RAD21: variants seen among roughly 807,000 people sequenced by gnomAD.
RAD21 encodes the protein RAD21 cohesin complex component.
RAD21 carries 18 observed loss-of-function variants against 71.5 expected under a neutral mutation model. The observed-to-expected ratio is 0.25, with a 90% CI of 0.17 to 0.37. The LOEUF is 0.37. Ranked by LOEUF, RAD21 falls within the 10% of genes least tolerant of loss-of-function variation. RAD21 has a pLI of 1.00. For missense variants in RAD21, 493 were observed against 769.1 expected, an observed-to-expected ratio of 0.64 and a Z score of 4.25; for synonymous variants, 248 against 254.0, an observed-to-expected ratio of 0.98 and a Z score of 0.22.
At chr8:116,853,267 C>T (rs538125111) in intron 9 of RAD21, among the ~76,000 whole-genome samples, 7 of 152,012 alleles carry the variant, frequency 4.6e-5, no homozygotes, top group Non-Finnish European at 8.8e-5. Context: ...TTAGTACAGA[C>T]GGGATTTTAC....
chr8:116,863,092 AAAC>A (rs112562183), intron 3 of RAD21, 35 bp downstream of exon 3: 395 of 1,573,746 alleles, frequency 2.5e-4, no homozygotes, highest in Non-Finnish European at 3.2e-4. Context: ...ACTCCAAAGT[AAAC>A]AACAACAACA....
intron 3 of RAD21, 144 bp downstream of exon 3, chr8:116,862,986 T>G: frequency 9.3e-7 from 1 of 1,079,292 alleles, no homozygotes; most frequent in Admixed American, 2.7e-5. Flanking sequence ...CCCCAAGCCT[T>G]GCTCTATCTT....
chr8:116,861,705 T>C (rs1401462373), intron 4 of RAD21, 136 bp downstream of exon 4: 1 of 523,724 alleles, frequency 1.9e-6, no homozygotes, highest in Admixed American at 3.1e-5. Context: ...CATATTTATA[T>C]ACTATCCTAT....
At chr8:116,857,161 T>C in intron 6 of RAD21, 106 bp downstream of exon 6, 1 of 925,344 alleles carries the variant, frequency 1.1e-6, no homozygotes, top group Non-Finnish European at 1.6e-6. Flanking sequence ...TTCACTCATA[T>C]ATATCTAAAA....
rs1586268525 is a variant in RAD21, at chr8:116,857,340, T to C, written c.615A>G (p.Lys205=). The C allele has an allele frequency of 6.2e-7, 1 of 1,612,486 alleles. No homozygotes were observed. The highest frequency in any genetic ancestry group is 8.5e-7 in the Non-Finnish European group (1 of 1,179,564). The change falls in exon 6 of 14, where the codon AAA becomes AAG. Residue 205 remains lysine (K), a synonymous_variant. Transcript: ENST00000297338. ...SEQSTSNLNE[K]INHLEYEDQY... is the part of the protein sequence containing the mutation. ...GATCTTCATATTCTAAATGGTTAAT[T>C]TTCTCATTCAGATTGCTGGTGCTCT...
chr8:116,867,436 G>A (rs1812719352), intron 1 of RAD21, among the ~76,000 whole-genome samples: 2 of 152,238 alleles, frequency 1.3e-5, no homozygotes, highest in Middle Eastern at 3.4e-3. Context: ...TTTATCTTAT[G>A]ACTGAAAGTC....
At chr8:116,874,049 G>A (rs1047097274) in intron 1 of RAD21, 2 of 152,250 alleles carry the variant, frequency 1.3e-5, no homozygotes, top group African/African-American at 2.4e-5. Context: ...CACTGGCCGA[G>A]GGGCACCCGC....
chr8:116,852,047 C>A lies in RAD21; in HGVS notation c.1371G>T (p.Glu457Asp). Residue 457 changes from glutamate to aspartate, a missense_variant, in exon 11 of 14, where the codon GAG becomes GAT. Physicochemically the swap from Glu to Asp is conservative, Grantham distance 45. Around this residue, in one of 5 missense-constraint regions of RAD21, gnomAD observed 225 missense variants for 218.3 expected, o/e 1.03. Transcript: ENST00000297338. ...ACTCATCTATGTTTGTTCTGCTGGCCTCCATCACTGACTCCTGGAGGCGGC... is the reference window on the plus strand; with the variant it reads ...ACTCATCTATGTTTGTTCTGCTGGCATCCATCACTGACTCCTGGAGGCGGC... ...EPSRLQESVM[E>D]ASRTNIDESA... 1 of 1,612,214 alleles carries A rather than the reference C, an allele frequency of 6.2e-7. No homozygotes were observed. The highest frequency in any genetic ancestry group is 1.7e-4 in the Middle Eastern group (1 of 6,050).
chr8:116,871,100 G>T (rs1381935240), intron 1 of RAD21, among the ~76,000 whole-genome samples: 1 of 152,128 alleles, frequency 6.6e-6, no homozygotes, highest in Non-Finnish European at 1.5e-5. Flanking sequence ...AAGGAGCAGT[G>T]GTGGATCGAC....
chr8:116,849,015 T>G lies in RAD21; in HGVS notation c.1635A>C (p.Ser545=). 6.3e-7 allele frequency: 1 copy of G among 1,593,598 alleles called. No homozygotes were observed. Among genetic ancestry groups the G allele is most frequent in the Non-Finnish European group, 8.5e-7 (1 of 1,170,824 alleles). The change falls in exon 13 of 14, where the codon TCA becomes TCC. Residue 545 remains serine (S), a synonymous_variant. Transcript: ENST00000297338. ...TTTCTTCCTGATCTTGATCGCCCCC[T>G]GATGCATCTTCATCCTGAATAAAAA... The part of the protein sequence containing the change: ...DDEEEEDEDA[S]GGDQDQEERR...
rs1586269318 is a variant in RAD21 at position 116,858,334 on chromosome 8, A to G, written c.481+18T>C. On this transcript the variant is annotated intron_variant, in intron 5 of 13. Transcript: ENST00000297338. ...TATAACATTATAATTAATGGCTAATAATTTGTTTCTCTTTTACCAAAATCA... is the reference window on the plus strand; with the variant it reads ...TATAACATTATAATTAATGGCTAATGATTTGTTTCTCTTTTACCAAAATCA... 1 of 1,550,044 alleles carries G rather than the reference A, an allele frequency of 6.5e-7. No individual in the cohort carries two copies. The highest frequency in any genetic ancestry group is 8.9e-7 in the Non-Finnish European group (1 of 1,123,948).
At chr8:116,863,293 T>A (rs1334961500) in intron 2 of RAD21, 34 bp from the exon 3 acceptor site, 1 of 1,586,564 alleles carries the variant, frequency 6.3e-7, no homozygotes. Flanking sequence ...TTCCAAAACC[T>A]GCATTTCGTG....
At chr8:116,855,143 A>T (rs1812435688) in intron 8 of RAD21, among the ~76,000 whole-genome samples, 1 of 152,218 alleles carries the variant, frequency 6.6e-6, no homozygotes, top group Non-Finnish European at 1.5e-5. Context: ...CTTAAAAAAA[A>T]AATACAAAAA....
rs556329240 is a variant in RAD21, at chr8:116,846,302, T to C, written c.*1198A>G. ...CTGAGTTTCAAAAGTGATTTTTTTT[T>C]CCCACAAAAGTTTCAACACTTAAGC... is the stretch of plus-strand genomic sequence containing the variant. On this transcript the variant is annotated 3_prime_UTR_variant, in exon 14 of 14. Transcript: ENST00000297338. 1.9e-4 allele frequency: 43 copies of C among 231,228 alleles called. No individual in the cohort carries two copies. Among genetic ancestry groups the C allele is most frequent in the Middle Eastern group, 2.6e-3 (2 of 760 alleles). The allele number at this position is 231,228 out of a possible 1,614,324, so 14.3% of individuals were successfully genotyped here. A position where few individuals can be genotyped will look rare whatever the true frequency, so the allele number is the denominator to read the frequency against.
At chr8:116,871,743 C>T (rs745834388) in intron 1 of RAD21, among the ~76,000 whole-genome samples, 21 of 152,292 alleles carry the variant, frequency 1.4e-4, no homozygotes, top group Non-Finnish European at 2.8e-4. Flanking sequence ...CTAAGCACTA[C>T]GTGTTTTATG....
intron 2 of RAD21, 141 bp downstream of exon 2, chr8:116,866,445 G>T: frequency 1.5e-6 from 1 of 653,082 alleles, no homozygotes; most frequent in South Asian, 2.7e-5. Flanking sequence ...AGGTGATAAG[G>T]ACTTCACATA....
At chr8:116,868,211 A>C (rs1483179329) in intron 1 of RAD21, among the ~76,000 whole-genome samples, 4 of 152,142 alleles carry the variant, frequency 2.6e-5, no homozygotes, top group Non-Finnish European at 5.9e-5. Flanking sequence ...ACTGGACTTA[A>C]TTTTGTTGTT....
At chr8:116,850,922 T>C (rs1391513505) in intron 11 of RAD21, 155 bp from the exon 12 acceptor site, 2 of 448,836 alleles carry the variant, frequency 4.5e-6, no homozygotes, top group Non-Finnish European at 7.8e-6. Flanking sequence ...TATTACAGTA[T>C]ATATCTTTTT....
chr8:116,849,796 C>T (rs1812312829), intron 12 of RAD21, among the ~76,000 whole-genome samples: 1 of 152,100 alleles, frequency 6.6e-6, no homozygotes, highest in Non-Finnish European at 1.5e-5. Context: ...CTAATTTTGG[C>T]TTTAAAATAA....
Sources: allele counts gnomAD v4.1 joint callset (sites outside exome capture counted in the v4.1 genomes callset), GRCh38; gene constraint gnomAD v4.1.1; regional missense constraint gnomAD v4.1.1; transcripts MANE v1.5; gene names NCBI Gene and HGNC (gene_info 2026-07-23, HGNC 2026-07-21).